ALG9: variants seen among roughly 807,000 people sequenced by gnomAD.
ALG9 encodes the protein alpha-1,2-mannosyltransferase ALG9.
A neutral mutation model predicts 81.8 loss-of-function variants in ALG9; 55 were observed. That is an observed-to-expected ratio of 0.67 (90% CI 0.54 to 0.84). The LOEUF is 0.84. ALG9 is among the 40% of genes least tolerant of loss of function. The pLI is 0.00. For synonymous variants in ALG9, 278 were observed against 274.3 expected, an observed-to-expected ratio of 1.01 and a Z score of -0.13; for missense variants, 629 against 745.0, an observed-to-expected ratio of 0.84 and a Z score of 1.81.
intron 4 of ALG9, among the ~76,000 whole-genome samples, chr11:111,861,263 T>C (rs1323445127): frequency 6.6e-6 from 1 of 152,246 alleles, no homozygotes; most frequent in Non-Finnish European, 1.5e-5. Flanking sequence ...TTAGGCATTA[T>C]TACTGCTTCA....
At chr11:111,851,472 C>A (rs1315157027) in intron 8 of ALG9, among the ~76,000 whole-genome samples, 3 of 105,948 alleles carry the variant, frequency 2.8e-5, no homozygotes, top group Admixed American at 1.0e-4. Flanking sequence ...AGCGAAACTC[C>A]ATCTCAAAAA....
At chr11:111,816,889 T>G (rs1333114033) in intron 13 of ALG9, among the ~76,000 whole-genome samples, 4 of 152,116 alleles carry the variant, frequency 2.6e-5, no homozygotes, top group African/African-American at 7.2e-5. Context: ...ATAATTTAGG[T>G]AAGGAAATGA....
At chr11:111,793,309 A>C (rs1591812709) in intron 14 of ALG9, among the ~76,000 whole-genome samples, 2 of 152,348 alleles carry the variant, frequency 1.3e-5, no homozygotes, top group Admixed American at 1.3e-4. Context: ...CCAAAAGAAC[A>C]AGCTGGCTTG....
rs1370607850 is a variant in ALG9 at position 111,784,654 on chromosome 11, G to A, written c.*1743C>T. On this transcript the variant is annotated 3_prime_UTR_variant, in exon 15 of 15. Transcript: ENST00000616540. ...AATTGCTTCAACCTGGGAGGCAGAG[G>A]TTGCAGCGAGCCGAGATCGCGCCAC... 1.3e-5 allele frequency: 2 copies of A among 152,064 alleles called. No homozygotes were observed. Among genetic ancestry groups the A allele is most frequent in the Non-Finnish European group, 2.9e-5 (2 of 68,050 alleles). The allele number at this position is 152,064 out of a possible 1,614,324, so 9.4% of individuals were successfully genotyped here.
intron 14 of ALG9, among the ~76,000 whole-genome samples, chr11:111,798,654 T>C (rs1259507183): frequency 6.6e-6 from 1 of 152,250 alleles, no homozygotes; most frequent in Admixed American, 6.5e-5. Context: ...GTAACAAATG[T>C]GTCTGGTCTA....
chr11:111,871,581 C>A lies in ALG9; in HGVS notation c.-99G>T, dbSNP rs1251696751. 6.5e-7 allele frequency: 1 copy of A among 1,531,086 alleles called. No individual in the cohort carries two copies. Among genetic ancestry groups the A allele is most frequent in the Non-Finnish European group, 8.7e-7 (1 of 1,144,090 alleles). The allele number at this position is 1,531,086 out of a possible 1,614,324, so 94.8% of individuals were successfully genotyped here. ...ACGGTGTCCGCCGAGGGACAAAAGA[C>A]CTTGACATGCGCAGAAAATACTAAA... On this transcript the variant is annotated 5_prime_UTR_variant, in exon 1 of 15. Transcript: ENST00000616540.
intron 8 of ALG9, among the ~76,000 whole-genome samples, chr11:111,851,004 C>T (rs561350419): frequency 1.3e-5 from 2 of 152,312 alleles, no homozygotes; most frequent in Admixed American, 6.5e-5. Flanking sequence ...CCCTGTTAAA[C>T]GCTGACTGAA....
intron 13 of ALG9, among the ~76,000 whole-genome samples, chr11:111,815,648 G>T (rs1256870482): frequency 6.6e-6 from 1 of 152,034 alleles, no homozygotes; most frequent in Non-Finnish European, 1.5e-5. Flanking sequence ...TCAGGCCTGG[G>T]TTCTACCACA....
Position 111,853,418 on chromosome 11 carries a change from A to C in ALG9, c.857T>G (p.Leu286Trp), listed in dbSNP as rs1958140287. The change falls in exon 8 of 15, where the codon TTG (leucine) becomes TGG (tryptophan). Residue 286 changes from leucine to tryptophan, a missense_variant. Transcript: ENST00000616540. The stretch of plus-strand genomic sequence containing the variant: ...TCCATGAGGAGTAAAGACATTATAC[A>C]AAACAATGTTGAGTGGTGCAATCAC... Reference protein sequence around the residue: ...KLVIAPLNIVLYNVFTPHGPD... With the variant: ...KLVIAPLNIVWYNVFTPHGPD... 6.2e-7 allele frequency: 1 copy of C among 1,613,978 alleles called. No homozygotes were observed. Among genetic ancestry groups the C allele is most frequent in the Non-Finnish European group, 8.5e-7 (1 of 1,179,950 alleles).
chr11:111,870,496 C>A, intron 1 of ALG9, 126 bp from the exon 2 acceptor site: 1 of 1,241,140 alleles, frequency 8.1e-7, no homozygotes, highest in South Asian at 1.7e-5. Flanking sequence ...AAGTTATTCA[C>A]CTAAAAAGGT....
intron 13 of ALG9, among the ~76,000 whole-genome samples, chr11:111,828,281 C>T (rs1472959536): frequency 6.6e-6 from 1 of 152,212 alleles, no homozygotes; most frequent in Non-Finnish European, 1.5e-5. Flanking sequence ...TGGAATTACA[C>T]CGCCAATGGA....
At chr11:111,860,839 AG>A (rs782431217) in intron 4 of ALG9, among the ~76,000 whole-genome samples, 2 of 152,244 alleles carry the variant, frequency 1.3e-5, no homozygotes, top group East Asian at 3.8e-4. Context: ...CCTACCTAAA[AG>A]AAAATGTATT....
chr11:111,788,387 T>A (rs7116280), intron 14 of ALG9: 2 of 453,436 alleles, frequency 4.4e-6, no homozygotes, highest in Non-Finnish European at 8.8e-6. Context: ...AGAAGAGACA[T>A]GAGACAAAGC....
At chr11:111,790,542 A>G (rs1420255126) in intron 14 of ALG9, among the ~76,000 whole-genome samples, 1 of 152,216 alleles carries the variant, frequency 6.6e-6, no homozygotes, top group East Asian at 1.9e-4. Flanking sequence ...GTTGAGTTCA[A>G]AAGGCAAGCT....
At chr11:111,777,990 C>A (rs975231228), downstream of ALG9, among the ~76,000 whole-genome samples, 10 of 152,330 alleles carry the variant, frequency 6.6e-5, 1 homozygote, top group South Asian at 2.1e-3. Flanking sequence ...TCTGCAAAGA[C>A]CAGAAGCAGA....
intron 13 of ALG9, among the ~76,000 whole-genome samples, chr11:111,811,647 T>G (rs1049941099): frequency 6.6e-6 from 1 of 151,042 alleles, no homozygotes; most frequent in Non-Finnish European, 1.5e-5. Flanking sequence ...ATCCATACAA[T>G]AGAACAGTAC....
chr11:111,769,833 A>G, the ALG9 span, among the ~76,000 whole-genome samples: 1 of 152,176 alleles, frequency 6.6e-6, no homozygotes, highest in Admixed American at 6.5e-5. Flanking sequence ...GATTCAAGGA[A>G]TAACTATGAT....
intron 13 of ALG9, among the ~76,000 whole-genome samples, chr11:111,826,066 CAAT>C (rs4026118): frequency 6.9e-4 from 91 of 132,676 alleles, no homozygotes; most frequent in South Asian, 2.1e-3. Flanking sequence ...AACTCCGTCT[CAAT>C]AATAATAATA....
intron 8 of ALG9, among the ~76,000 whole-genome samples, chr11:111,846,323 G>A (rs1956941773): frequency 1.3e-5 from 2 of 152,176 alleles, no homozygotes; most frequent in Admixed American, 6.5e-5. Context: ...ACAGAAAAGG[G>A]GTTATCCTTT....
Sources: gnomAD v4.1 joint callset for allele counts (sites outside exome capture counted in the v4.1 genomes callset) on GRCh38, gnomAD v4.1.1 for gene constraint, MANE v1.5 for transcripts, NCBI Gene and HGNC (gene_info 2026-07-23, HGNC 2026-07-21) for gene names.